Variants in CACNA1E observed in about 807,000 individuals in gnomAD.
CACNA1E encodes calcium voltage-gated channel subunit alpha1 E, also known as voltage-dependent R-type calcium channel subunit alpha-1E.
Under a neutral mutation model 259.2 loss-of-function variants are expected in CACNA1E, and 40 were observed. The observed-to-expected ratio is 0.15, with a 90% confidence interval of 0.12 to 0.20. The LOEUF (loss-of-function observed/expected upper bound fraction) is 0.20. CACNA1E is among the 10% of genes least tolerant of loss of function. The pLI, the probability that CACNA1E is intolerant of heterozygous loss-of-function variation, is 1.00. For missense variants in CACNA1E, 1,874 were observed against 3,040.1 expected (o/e 0.62, Z 9.02); for synonymous variants, 1,104 against 1,138.5 (o/e 0.97, Z 0.61).
intron 1 of CACNA1E, among the ~76,000 whole-genome samples, chr1:181,412,272 C>T (rs1413473852): frequency 6.6e-6 from 1 of 152,146 alleles, no homozygotes; most frequent in African/African-American, 2.4e-5. Flanking sequence ...ACCCAGTTCT[C>T]AAGAAGAGTT....
At position 181,514,097 on chromosome 1, in the gene CACNA1E, T is replaced by C. The variant is rs192139608; in HGVS notation, c.512+2587T>C. Among the ~76,000 whole-genome samples, 416 of 152,272 alleles carry C rather than the reference T, an allele frequency of 2.7e-3. 2 individuals carry two copies. Among genetic ancestry groups the C allele is most frequent in the Non-Finnish European group, 4.5e-3 (308 of 68,018 alleles). On this transcript the variant is annotated intron_variant, in intron 3 of 47. Transcript: ENST00000367573. ...GAGATCCCTGCTGAGGGGCTGAGGGTTGCGGTTCTATCCCACAGGAATGCA... is the reference window on the plus strand; with the variant it reads ...GAGATCCCTGCTGAGGGGCTGAGGGCTGCGGTTCTATCCCACAGGAATGCA...
rs756649598 is a variant in CACNA1E, at chr1:181,740,290, G to A, written c.3719+1037G>A. Among the ~76,000 whole-genome samples the A allele has an allele frequency of 1.2e-4, 19 of 152,168 alleles. 1 individual carries two copies. The highest frequency in any genetic ancestry group is 1.9e-4 in the Non-Finnish European group (13 of 68,024). On this transcript the variant is annotated intron_variant, in intron 25 of 47. Transcript: ENST00000367573. ...CAAAAGGAACACAGTATCTTCATACGTTTACCCTTCTGAGTGGTTTTCCCT... is the reference window on the plus strand; with the variant it reads ...CAAAAGGAACACAGTATCTTCATACATTTACCCTTCTGAGTGGTTTTCCCT...
At chr1:181,781,355 C>T in intron 38 of CACNA1E, 72 bp from the exon 39 acceptor site, 1 of 739,450 alleles carries the variant, frequency 1.4e-6, no homozygotes, top group Non-Finnish European at 2.4e-6. Context: ...CTCCCCACTT[C>T]CTTCTCCTTT....
chr1:181,671,009 T>C (rs897933022), intron 7 of CACNA1E, among the ~76,000 whole-genome samples: 15 of 152,220 alleles, frequency 9.9e-5, no homozygotes, highest in African/African-American at 3.1e-4. Context: ...TACTAAAATA[T>C]CTAATCACAA....
chr1:181,659,872 A>G (rs1408623254), intron 7 of CACNA1E, among the ~76,000 whole-genome samples: 1 of 152,222 alleles, frequency 6.6e-6, no homozygotes, highest in African/African-American at 2.4e-5. Context: ...ACTTCTAGTT[A>G]GTGCTTATTT....
intron 38 of CACNA1E, among the ~76,000 whole-genome samples, chr1:181,778,321 C>A (rs1660135572): frequency 6.6e-6 from 1 of 152,186 alleles, no homozygotes; most frequent in Admixed American, 6.5e-5. Context: ...GGACAACTGG[C>A]TAAATTACCT....
intron 6 of CACNA1E, among the ~76,000 whole-genome samples, chr1:181,649,862 T>TGG (rs1448792958): frequency 1.3e-5 from 2 of 151,552 alleles, no homozygotes; most frequent in Non-Finnish European, 2.9e-5. Context: ...GGGTGAAGGG[T>TGG]GGGGGAAGGA....
chr1:181,553,505 G>T (rs1648403790), intron 3 of CACNA1E, among the ~76,000 whole-genome samples: 1 of 152,050 alleles, frequency 6.6e-6, no homozygotes, highest in Non-Finnish European at 1.5e-5. Flanking sequence ...TCTTTCTCTT[G>T]CCTGATTGCC....
rs148592866 is a variant in CACNA1E at position 181,709,915 on chromosome 1, G to A, written c.1056-1039G>A. Reference sequence around the variant, plus strand: ...GGCATCCTAGCCTGGAAGGGTGTTTGGTGATGAGAGAGGCATTGCTAGAGG... The same window carrying A: ...GGCATCCTAGCCTGGAAGGGTGTTTAGTGATGAGAGAGGCATTGCTAGAGG... On this transcript the variant is annotated intron_variant, in intron 7 of 47. Coordinates refer to ENST00000367573, the MANE Select transcript of CACNA1E (RefSeq NM_001205293.3). Among the ~76,000 whole-genome samples, 9 of 152,308 alleles carry A rather than the reference G, an allele frequency of 5.9e-5. No homozygotes were observed. The South Asian group carries it at 8.3e-4, about 14-fold the overall frequency.
chr1:181,784,006 A>T (rs926858438), intron 40 of CACNA1E, among the ~76,000 whole-genome samples: 3 of 152,226 alleles, frequency 2.0e-5, no homozygotes, highest in Admixed American at 1.3e-4. Context: ...CTTTAAAAGT[A>T]TATGATCTTC....
At chr1:181,561,872 C>T (rs544982516) in intron 3 of CACNA1E, among the ~76,000 whole-genome samples, 60 of 152,258 alleles carry the variant, frequency 3.9e-4, no homozygotes, top group African/African-American at 1.2e-3. Context: ...AGTTGCTCCA[C>T]GTTCTAAGCA....
At chr1:181,395,199 A>G (rs978855373) in intron 1 of CACNA1E, among the ~76,000 whole-genome samples, 2 of 152,158 alleles carry the variant, frequency 1.3e-5, no homozygotes, top group Non-Finnish European at 2.9e-5. Context: ...ATCTTTTTAT[A>G]TATCTTGTAG....
intron 2 of CACNA1E, among the ~76,000 whole-genome samples, chr1:181,423,662 A>ATTTTTTTTTTTTTTTTTTTTTTTTT (rs11302089): frequency 2.3e-5 from 3 of 130,996 alleles, no homozygotes; most frequent in African/African-American, 6.1e-5. Context: ...CATTGGGCCA[A>ATTTTTTTTTTTTTTTTTTTTTTTTT]TTTTTTTTTT....
chr1:181,663,044 A>G lies in CACNA1E; in HGVS notation c.1055+11603A>G, dbSNP rs375093228. On this transcript the variant is annotated intron_variant, in intron 7 of 47. Transcript: ENST00000367573. ...GATCTTTCCAGGTCTATACCCCCCAATCTCATTTTACAATTAGTATTAAAA... is the reference window on the plus strand; with the variant it reads ...GATCTTTCCAGGTCTATACCCCCCAGTCTCATTTTACAATTAGTATTAAAA... 2.6e-5 allele frequency among the ~76,000 whole-genome samples: 4 copies of G among 152,218 alleles called. No homozygotes were observed. The East Asian group carries it at 5.8e-4, about 22-fold the overall frequency.
chr1:181,643,741 T>C (rs979482149), intron 6 of CACNA1E, among the ~76,000 whole-genome samples: 2 of 151,984 alleles, frequency 1.3e-5, no homozygotes, highest in African/African-American at 2.4e-5. Flanking sequence ...GGTGGTGAAA[T>C]GTGGTTCTGG....
chr1:181,724,381 C>A, intron 16 of CACNA1E, 89 bp from the exon 17 acceptor site: 1 of 1,007,112 alleles, frequency 9.9e-7, no homozygotes, highest in Non-Finnish European at 1.5e-6. Context: ...CTGTTAATGT[C>A]CCAGGCAGGA....
At chr1:181,629,899 C>G (rs981400166) in intron 6 of CACNA1E, among the ~76,000 whole-genome samples, 4 of 152,192 alleles carry the variant, frequency 2.6e-5, no homozygotes, top group Non-Finnish European at 5.9e-5. Flanking sequence ...TTCTGTGCGT[C>G]TGTGTGGGTC....
intron 6 of CACNA1E, among the ~76,000 whole-genome samples, chr1:181,622,833 A>C (rs1655845900): frequency 6.6e-6 from 1 of 152,082 alleles, no homozygotes. Context: ...AGTCTATTTG[A>C]GCCTGGATCC....
chr1:181,708,638 C>T (rs938416997), intron 7 of CACNA1E, among the ~76,000 whole-genome samples: 1 of 152,192 alleles, frequency 6.6e-6, no homozygotes, highest in African/African-American at 2.4e-5. Context: ...TGCCATTTGG[C>T]TAGGCAAATA....
Sources: allele counts gnomAD v4.1 joint callset (sites outside exome capture counted in the v4.1 genomes callset), GRCh38; gene constraint gnomAD v4.1.1; transcripts MANE v1.5; gene names NCBI Gene and HGNC (gene_info 2026-07-23, HGNC 2026-07-21).